Variants in NNT observed in about 807,000 individuals in gnomAD.
The protein encoded by NNT is NAD(P) transhydrogenase, mitochondrial.
In NNT, 50 loss-of-function variants were observed where a neutral mutation model predicts 104.8. The ratio of observed to expected loss-of-function variants is 0.48; its 90% CI spans 0.38 to 0.60. The LOEUF is 0.60. Among genes scored for constraint, NNT ranks in the 20% least tolerant of loss-of-function variants. The probability of loss-of-function intolerance (pLI) is 0.00; values close to 1 mark genes in which losing one functional copy is unlikely to be tolerated. For missense variants in NNT, 1,131 were observed against 1,330.7 expected (o/e 0.85, Z 2.33); for synonymous variants, 461 against 490.4 (o/e 0.94, Z 0.79).
At chr5:43,673,744 C>T (rs1741258097) in intron 17 of NNT, among the ~76,000 whole-genome samples, 1 of 152,154 alleles carries the variant, frequency 6.6e-6, no homozygotes, top group Non-Finnish European at 1.5e-5. Flanking sequence ...TTTAGCTGGG[C>T]ACTGTGGCTC....
chr5:43,603,094 G>T, upstream of NNT: 1 of 152,906 alleles, frequency 6.5e-6, no homozygotes, highest in Non-Finnish European at 1.5e-5. Flanking sequence ...GGGCCTGGCG[G>T]GAAGAAAGCT....
At chr5:43,635,128 ATTAG>A (rs1750867030) in intron 7 of NNT, among the ~76,000 whole-genome samples, 1 of 152,152 alleles carries the variant, frequency 6.6e-6, no homozygotes, top group Admixed American at 6.6e-5. Context: ...GTGCTTCAGT[ATTAG>A]TTAGGGTGGT....
rs756766359 is a variant in NNT, at chr5:43,612,936, A to C, written c.180A>C (p.Gly60=). 4 of 1,613,770 alleles carry C rather than the reference A, an allele frequency of 2.5e-6. No individual in the cohort carries two copies. The South Asian group carries it at 4.4e-5, about 18-fold the overall frequency. Residue 60 remains glycine (G), a synonymous_variant, in exon 3 of 22, where the codon GGA becomes GGC. Coordinates refer to ENST00000344920, the MANE Select transcript of NNT (RefSeq NM_182977.3). ...PGIPYKQLTV[G]VPKEIFQNEK... ...TTCCATATAAGCAACTGACTGTTGG[A>C]GTCCCCAAAGAGATATTCCAAAATG...
In NNT at chr5:43,618,289, T is replaced by G. The variant is rs138484257; in HGVS notation, c.600-743T>G. On this transcript the variant is annotated intron_variant, in intron 4 of 21. Transcript: ENST00000344920. ...AGATAGATGCTTTTTGTCCTTACTT[T>G]ATAGATGAGGAAACCAAGGTTTAGA... Among the ~76,000 whole-genome samples the G allele has an allele frequency of 8.1e-3, 1,228 of 152,326 alleles. 8 individuals are homozygous for G. Among genetic ancestry groups the G allele is most frequent in the Admixed American group, 0.014 (215 of 15,308 alleles).
chr5:43,609,496 G>A, intron 2 of NNT, 150 bp downstream of exon 2: 2 of 704,300 alleles, frequency 2.8e-6, no homozygotes, highest in South Asian at 4.5e-5. Flanking sequence ...GTGCTATCTT[G>A]TATTTTCCAT....
At chr5:43,645,707 A>ATTTTTT (rs1561286676) in intron 10 of NNT, 197 bp downstream of exon 10, 35 of 85,230 alleles carry the variant, frequency 4.1e-4, no homozygotes, top group Non-Finnish European at 4.6e-4. Flanking sequence ...ATATATATAT[A>ATTTTTT]TATTTTTTTT....
chr5:43,666,937 A>G (rs893677056), intron 17 of NNT: 5 of 1,585,920 alleles, frequency 3.2e-6, no homozygotes, highest in East Asian at 2.2e-5. Context: ...GGGGTGGGCA[A>G]TGTAGGCAAG....
intron 2 of NNT, among the ~76,000 whole-genome samples, chr5:43,610,527 A>G (rs1749448785): frequency 6.6e-6 from 1 of 152,202 alleles, no homozygotes; most frequent in Admixed American, 6.5e-5. Flanking sequence ...TTTGGGGGGC[A>G]ACCTTTGTCA....
intron 17 of NNT, among the ~76,000 whole-genome samples, chr5:43,668,712 A>G (rs1213597114): frequency 2.6e-5 from 4 of 152,160 alleles, no homozygotes; most frequent in Non-Finnish European, 5.9e-5. Context: ...GTCAGGTAGC[A>G]TGATGCCTCC....
rs1287039494 is a variant in NNT at position 43,656,671 on chromosome 5, C to T, written c.2312C>T (p.Pro771Leu). 3 of 1,612,832 alleles carry T rather than the reference C, an allele frequency of 1.9e-6. No individual in the cohort carries two copies. The highest frequency in any genetic ancestry group is 4.5e-5 in the East Asian group (2 of 44,866). Residue 771 changes from proline to leucine, a missense_variant, in exon 16 of 22, where the codon CCT becomes CTT. Physicochemically the swap from Pro to Leu is moderately conservative, Grantham distance 98 (BLOSUM62 -3). Coordinates refer to ENST00000344920, the MANE Select transcript of NNT (RefSeq NM_182977.3). ...GCTCTAGGTCTCCTGAAATCTGCCC[C>T]TCTCCTACTGCCTGGAAGGCACTTA... ...GKLQGLLKSA[P>L]LLLPGRHLLN...
intron 5 of NNT, among the ~76,000 whole-genome samples, chr5:43,621,280 C>A (rs768744075): frequency 1.3e-5 from 2 of 152,152 alleles, no homozygotes; most frequent in Admixed American, 6.5e-5. Context: ...GGCTCATCAG[C>A]AATTGTTGGT....
chr5:43,618,129 T>C (rs561264978), intron 4 of NNT, among the ~76,000 whole-genome samples: 1 of 152,320 alleles, frequency 6.6e-6, no homozygotes, highest in South Asian at 2.1e-4. Flanking sequence ...GAAAAGATGA[T>C]GCATATTATT....
At position 43,660,365 on chromosome 5, in the gene NNT, G is replaced by T. The variant is rs936351309; in HGVS notation, c.2634+1015G>T. 1.3e-3 allele frequency among the ~76,000 whole-genome samples: 196 copies of T among 152,160 alleles called. 4 individuals carry two copies. Among genetic ancestry groups the T allele is most frequent in the Non-Finnish European group, 4.3e-4 (29 of 67,994 alleles). The stretch of plus-strand genomic sequence containing the variant: ...CTAATACTTCCTAGCTTTTCTGTTT[G>T]TTTCAAGTTCTCTTCTTGATGGCAA... On this transcript the variant is annotated intron_variant, in intron 17 of 21. Coordinates refer to ENST00000344920, the MANE Select transcript of NNT (RefSeq NM_182977.3).
chr5:43,677,656 GAGA>G (rs2112109803), intron 18 of NNT, 66 bp from the exon 19 acceptor site: 5 of 1,357,192 alleles, frequency 3.7e-6, no homozygotes, highest in South Asian at 3.5e-5. Context: ...TTCATCAAGA[GAGA>G]AGTTGTACTT....
intron 7 of NNT, among the ~76,000 whole-genome samples, chr5:43,634,307 G>T (rs1245496518): frequency 6.6e-6 from 1 of 152,186 alleles, no homozygotes; most frequent in Non-Finnish European, 1.5e-5. Context: ...TAGCGCAAAA[G>T]AATGACTTTC....
intron 3 of NNT, chr5:43,613,424 G>C (rs1749608142): frequency 3.1e-6 from 1 of 320,348 alleles, no homozygotes; most frequent in South Asian, 4.0e-5. Flanking sequence ...TGTTCTACAT[G>C]GTCCATATAT....
At chr5:43,666,727 T>A in intron 17 of NNT, 1 of 1,128,228 alleles carries the variant, frequency 8.9e-7, no homozygotes, top group Non-Finnish European at 1.2e-6. Context: ...GGGTGGGGGG[T>A]CGCACCAGTC....
At chr5:43,624,386 CCTATTT>C (rs1750255522) in intron 6 of NNT, among the ~76,000 whole-genome samples, 1 of 152,138 alleles carries the variant, frequency 6.6e-6, no homozygotes, top group Non-Finnish European at 1.5e-5. Flanking sequence ...TGTTGCTTTA[CCTATTT>C]CTGTTCAGAA....
chr5:43,619,035 T>G lies in NNT; in HGVS notation c.603T>G (p.Tyr201Ter). The G allele has an allele frequency of 6.6e-7, 1 of 1,519,710 alleles. No individual in the cohort carries two copies. The highest frequency in any genetic ancestry group is 1.4e-5 in the South Asian group (1 of 72,550). The allele number at this position is 1,519,710 out of a possible 1,614,324, so 94.1% of individuals were successfully genotyped here. Reference protein sequence around the residue: ...ALSSMANIAGYKAVVLAANHF... With the variant: ...ALSSMANIAG ...ATTTATTTATTTATTTTTAAAGTTA[T>G]AAGGCTGTTGTCCTAGCAGCAAATC... Residue 201 changes from tyrosine to a stop codon, truncating the protein, a stop_gained, in exon 5 of 22, where the codon TAT becomes TAG. Coordinates refer to ENST00000344920, the MANE Select transcript of NNT (RefSeq NM_182977.3). LOFTEE classifies it high-confidence loss of function.
Sources: gnomAD v4.1 joint callset for allele counts (sites outside exome capture counted in the v4.1 genomes callset) on GRCh38, gnomAD v4.1.1 for gene constraint, MANE v1.5 for transcripts, NCBI Gene and HGNC (gene_info 2026-07-23, HGNC 2026-07-21) for gene names.